Variants in TBCE observed in about 807,000 individuals in gnomAD.
TBCE encodes the protein tubulin-specific chaperone E.
TBCE carries 53 observed loss-of-function variants against 77.0 expected under a neutral mutation model. The ratio of observed to expected loss-of-function variants is 0.69; its 90% CI spans 0.55 to 0.87. The LOEUF is 0.87. TBCE is among the 40% of genes least tolerant of loss of function. The pLI is 0.00. For missense variants in TBCE, 624 were observed against 622.4 expected (o/e 1.00, Z -0.03); for synonymous variants, 235 against 241.3 (o/e 0.97, Z 0.24).
rs1044544750 is a variant in TBCE, at chr1:235,451,421, A to T, written c.*2659A>T. 1.4e-5 allele frequency: 2 copies of T among 145,974 alleles called. No individual in the cohort carries two copies. Among genetic ancestry groups the T allele is most frequent in the Non-Finnish European group, 3.0e-5 (2 of 66,538 alleles). The allele number at this position is 145,974 out of a possible 1,614,324, so 9.0% of individuals were successfully genotyped here. A position where few individuals can be genotyped will look rare whatever the true frequency, so the allele number is the denominator to read the frequency against. The stretch of plus-strand genomic sequence containing the variant: ...ATGTAAATATGTAAATCCTCTCTGT[A>T]GGAATGCATTTTAAATAGAGGACTC... On this transcript the variant is annotated 3_prime_UTR_variant, in exon 17 of 17. Transcript: ENST00000642610.
intron 2 of TBCE, among the ~76,000 whole-genome samples, chr1:235,400,408 C>CTTTATTTTTTTTTTTTT (rs1679023116): frequency 1.9e-5 from 2 of 106,050 alleles, no homozygotes; most frequent in Non-Finnish European, 3.6e-5. Flanking sequence ...TATTTTTCCT[C>CTTTATTTTTTTTTTTTT]TTTTTTTTTT....
In TBCE at chr1:235,450,376, T is replaced by C. The variant is rs903622118; in HGVS notation, c.*1614T>C. ...ACAACCAAAGCCGATCTGAGAGTGG[T>C]GAAACTGTTTTAAGAGCATCAGAAA... On this transcript the variant is annotated 3_prime_UTR_variant, in exon 17 of 17. Transcript: ENST00000642610. The C allele has an allele frequency of 3.1e-6, 5 of 1,608,626 alleles. No individual in the cohort carries two copies. The highest frequency in any genetic ancestry group is 3.4e-6 in the Non-Finnish European group (4 of 1,175,722).
chr1:235,399,191 G>A (rs1678932055), intron 2 of TBCE, among the ~76,000 whole-genome samples: 1 of 152,114 alleles, frequency 6.6e-6, no homozygotes, highest in African/African-American at 2.4e-5. Context: ...CTGAGCTCAA[G>A]CAATCCACCC....
chr1:235,423,332 G>GTT (rs1680511370), intron 5 of TBCE, among the ~76,000 whole-genome samples: 14 of 152,278 alleles, frequency 9.2e-5, no homozygotes, highest in Admixed American at 8.5e-4. Context: ...CATATTGACA[G>GTT]CTGTTGTTCG....
chr1:235,411,581 C>G (rs1679784899), intron 3 of TBCE, among the ~76,000 whole-genome samples: 1 of 152,048 alleles, frequency 6.6e-6, no homozygotes, highest in Non-Finnish European at 1.5e-5. Context: ...AAAGTGAAAG[C>G]AAGTTTATTA....
chr1:235,434,128 G>T, intron 7 of TBCE, 76 bp from the exon 8 acceptor site: 1 of 1,290,742 alleles, frequency 7.7e-7, no homozygotes, highest in Non-Finnish European at 1.1e-6. Flanking sequence ...CTGAATTCTT[G>T]TGGTGGTTCC....
At chr1:235,398,789 A>C (rs551350629) in intron 2 of TBCE, among the ~76,000 whole-genome samples, 1 of 136,970 alleles carries the variant, frequency 7.3e-6, no homozygotes, top group African/African-American at 2.6e-5. Context: ...GCTAAGGCAA[A>C]AGAATCGCTT....
At position 235,401,597 on chromosome 1, in the gene TBCE, C is replaced by A; in HGVS notation, c.185+10C>A. The A allele has an allele frequency of 6.2e-7, 1 of 1,603,648 alleles. No individual in the cohort carries two copies. Among genetic ancestry groups the A allele is most frequent in the South Asian group, 1.1e-5 (1 of 90,812 alleles). On this transcript the variant is annotated intron_variant, in intron 3 of 16. Transcript: ENST00000642610. Reference sequence around the variant, plus strand: ...TGTATTTTAAATGCAGGTAACTTTTCATTATGAATCAGCACGGTCATTTAG... The same window carrying A: ...TGTATTTTAAATGCAGGTAACTTTTAATTATGAATCAGCACGGTCATTTAG...
intron 1 of TBCE, among the ~76,000 whole-genome samples, chr1:235,377,732 A>C (rs955985211): frequency 2.6e-5 from 4 of 151,382 alleles, no homozygotes; most frequent in African/African-American, 9.7e-5. Flanking sequence ...GCTCATTGCA[A>C]CCTCTGCCTC....
chr1:235,428,684 G>A (rs1002255241), intron 6 of TBCE, among the ~76,000 whole-genome samples: 10 of 144,178 alleles, frequency 6.9e-5, no homozygotes, highest in African/African-American at 1.8e-4. Context: ...TCGCCCTGTC[G>A]CCAGGCTGGA....
chr1:235,408,342 A>C (rs71640699), intron 3 of TBCE, among the ~76,000 whole-genome samples: 328 of 152,340 alleles, frequency 2.2e-3, no homozygotes, highest in Non-Finnish European at 2.9e-3. Context: ...TGTGTGTCAT[A>C]AGCCAGTTGT....
At chr1:235,388,888 C>G (rs1285052817) in intron 2 of TBCE, among the ~76,000 whole-genome samples, 1 of 152,196 alleles carries the variant, frequency 6.6e-6, no homozygotes, top group Non-Finnish European at 1.5e-5. Context: ...TTTGGGTGCT[C>G]TGAAGATAGA....
chr1:235,381,150 A>G (rs190414068), intron 2 of TBCE, among the ~76,000 whole-genome samples: 177 of 152,268 alleles, frequency 1.2e-3, no homozygotes, highest in African/African-American at 4.0e-3. Flanking sequence ...GCTGATTGCA[A>G]TGTGCCCAGA....
rs941262375 is a variant in TBCE at position 235,451,279 on chromosome 1, A to C, written c.*2517A>C. 6.6e-6 allele frequency: 1 copy of C among 152,204 alleles called. No homozygotes were observed. Among genetic ancestry groups the C allele is most frequent in the African/African-American group, 2.4e-5 (1 of 41,432 alleles). 9.4% of individuals were successfully genotyped at this position (152,204 alleles called of 1,614,324 possible). A position where few individuals can be genotyped will look rare whatever the true frequency, so the allele number is the denominator to read the frequency against. On this transcript the variant is annotated 3_prime_UTR_variant, in exon 17 of 17. Coordinates refer to ENST00000642610, the MANE Select transcript of TBCE (RefSeq NM_003193.5). ...CTCTCTCCCCTCAGTGCCTACCCACAGCTTGCACTTAGGTAGGTCTGGGGC... is the reference window on the plus strand; with the variant it reads ...CTCTCTCCCCTCAGTGCCTACCCACCGCTTGCACTTAGGTAGGTCTGGGGC...
In TBCE at chr1:235,414,619, G is replaced by T. The variant is rs377061675; in HGVS notation, c.371+1G>T. On this transcript the variant is annotated splice_donor_variant, in intron 4 of 16. Coordinates refer to ENST00000642610, the MANE Select transcript of TBCE (RefSeq NM_003193.5). LOFTEE classifies it high-confidence loss of function. ...TTGACTCTATTATGAAACAGCAAAG[G>T]TAAGTGGAGTTTATAACGGCAGAGC... is the stretch of plus-strand genomic sequence containing the variant. The T allele has an allele frequency of 6.2e-7, 1 of 1,613,296 alleles. No homozygotes were observed. Among genetic ancestry groups the T allele is most frequent in the Non-Finnish European group, 8.5e-7 (1 of 1,179,814 alleles).
intron 3 of TBCE, among the ~76,000 whole-genome samples, chr1:235,406,005 A>G (rs1182270563): frequency 1.3e-5 from 2 of 152,240 alleles, no homozygotes; most frequent in African/African-American, 4.8e-5. Flanking sequence ...ATAACTGCTT[A>G]CTTCATTATA....
chr1:235,448,580 C>A, intron 16 of TBCE, 90 bp from the exon 17 acceptor site: 1 of 1,378,006 alleles, frequency 7.3e-7, no homozygotes, highest in South Asian at 1.2e-5. Context: ...TAAGCTACTG[C>A]CTGGGGACGG....
intron 5 of TBCE, among the ~76,000 whole-genome samples, chr1:235,422,114 G>A (rs1480799624): frequency 2.0e-5 from 3 of 152,222 alleles, no homozygotes; most frequent in Non-Finnish European, 2.9e-5. Context: ...CTGGAGTGAG[G>A]GGAATTGAAG....
Position 235,430,738 on chromosome 1 carries a change from A to G in TBCE, c.594A>G (p.Val198=). The change falls in exon 7 of 17, where the codon GTA becomes GTG. Residue 198 remains valine, a synonymous_variant. Coordinates refer to ENST00000642610, the MANE Select transcript of TBCE (RefSeq NM_003193.5). ...ENKLKFPSGS[V]LTGTLSVLKV... ...AACTAAAATTTCCCTCCGGTTCAGT[A>G]TTAACTGGAACGCTTTCTGTACTGA... The G allele has an allele frequency of 2.5e-6, 4 of 1,613,744 alleles. No homozygotes were observed. Among genetic ancestry groups the G allele is most frequent in the Non-Finnish European group, 3.4e-6 (4 of 1,179,832 alleles).
Sources: gnomAD v4.1 joint callset for allele counts (sites outside exome capture counted in the v4.1 genomes callset) on GRCh38, gnomAD v4.1.1 for gene constraint, MANE v1.5 for transcripts, NCBI Gene and HGNC (gene_info 2026-07-23, HGNC 2026-07-21) for gene names.